The following HMGCS2 variants were observed in gnomAD, a reference collection of about 807,000 sequenced individuals.
HMGCS2 encodes hydroxymethylglutaryl-CoA synthase, mitochondrial.
A neutral mutation model predicts 57.4 loss-of-function variants in HMGCS2; 50 were observed. The observed-to-expected ratio is 0.87, with a 90% CI of 0.69 to 1.10. The LOEUF is 1.10. HMGCS2 is among the 50% of genes least tolerant of loss of function. The pLI is 0.00. For synonymous variants in HMGCS2, 254 were observed against 245.1 expected (o/e 1.04, Z -0.34); for missense variants, 627 against 636.5 (o/e 0.99, Z 0.16).
At chr1:119,763,130 A>G (rs1653101188) in intron 2 of HMGCS2, among the ~76,000 whole-genome samples, 1 of 152,170 alleles carries the variant, frequency 6.6e-6, no homozygotes, top group Non-Finnish European at 1.5e-5. Context: ...CAGGTAGGGC[A>G]GTTGGAAAAG....
At chr1:119,758,818 C>A (rs1156303258) in intron 4 of HMGCS2, among the ~76,000 whole-genome samples, 3 of 152,252 alleles carry the variant, frequency 2.0e-5, no homozygotes, top group Admixed American at 2.0e-4. Context: ...GACTGCCCAG[C>A]CTCTTAACAC....
chr1:119,766,352 T>C (rs12563433), intron 1 of HMGCS2, among the ~76,000 whole-genome samples: 42,611 of 152,098 alleles, frequency 0.28, 6,651 homozygotes, highest in East Asian at 0.43. Flanking sequence ...GCCAGGCTTA[T>C]AAATTTAGCT....
chr1:119,754,387 G>T (rs1652766530), intron 6 of HMGCS2, among the ~76,000 whole-genome samples: 2 of 151,984 alleles, frequency 1.3e-5, no homozygotes, highest in African/African-American at 4.8e-5. Context: ...ATTTTGTAGA[G>T]ATGGGGCCTC....
At chr1:119,762,731 A>AACT (rs1199689380) in intron 2 of HMGCS2, among the ~76,000 whole-genome samples, 4 of 152,222 alleles carry the variant, frequency 2.6e-5, no homozygotes, top group Non-Finnish European at 4.4e-5. Context: ...TTTAAATACA[A>AACT]ACTAAAGATT....
chr1:119,755,883 C>A (rs958241457), intron 5 of HMGCS2, among the ~76,000 whole-genome samples: 4 of 111,618 alleles, frequency 3.6e-5, no homozygotes, highest in African/African-American at 6.3e-5. Flanking sequence ...ACTTTCTTAA[C>A]TTAGTGTGTG....
chr1:119,752,780 A>G (rs1473823383), intron 7 of HMGCS2, 106 bp from the exon 8 acceptor site: 4 of 1,286,352 alleles, frequency 3.1e-6, no homozygotes, highest in African/African-American at 1.5e-5. Context: ...TACACCCTGG[A>G]GGAACGTGTG....
At chr1:119,753,211 T>C in intron 7 of HMGCS2, 69 bp downstream of exon 7, 1 of 922,900 alleles carries the variant, frequency 1.1e-6, no homozygotes, top group Non-Finnish European at 1.8e-6. Context: ...TCAGTAATGG[T>C]GGGGAAGAAG....
intron 9 of HMGCS2, among the ~76,000 whole-genome samples, chr1:119,749,947 G>A (rs3790698): frequency 0.44 from 66,884 of 151,690 alleles, 15,089 homozygotes; most frequent in East Asian, 0.57. Context: ...GCAGCTACCT[G>A]GGTTCATATA....
At chr1:119,768,692 A>G (rs2101283267) in intron 1 of HMGCS2, 49 bp downstream of exon 1, 3 of 1,379,730 alleles carry the variant, frequency 2.2e-6, no homozygotes, top group Middle Eastern at 1.8e-4. Flanking sequence ...AATAGCAGGG[A>G]AAAACTATCT....
At chr1:119,765,702 A>C (rs774399499) in intron 1 of HMGCS2, among the ~76,000 whole-genome samples, 4 of 152,366 alleles carry the variant, frequency 2.6e-5, no homozygotes, top group Middle Eastern at 3.4e-3. Context: ...CTTATAGGGC[A>C]TAATTATACA....
chr1:119,748,550 T>C lies in HMGCS2; in HGVS notation c.*297A>G, dbSNP rs1230361877. ...AGGCAACAGCTGATCTGCATGCACA[T>C]TTCTGGAGTCCAGTGATTCAGGAAG... On this transcript the variant is annotated 3_prime_UTR_variant, in exon 10 of 10. Transcript: ENST00000369406. 6.6e-6 allele frequency: 1 copy of C among 152,230 alleles called. No individual in the cohort carries two copies. Among genetic ancestry groups the C allele is most frequent in the Non-Finnish European group, 1.5e-5 (1 of 68,072 alleles). 9.4% of individuals were successfully genotyped at this position (152,230 alleles called of 1,614,324 possible). A position where few individuals can be genotyped will look rare whatever the true frequency, so the allele number is the denominator to read the frequency against.
intron 4 of HMGCS2, among the ~76,000 whole-genome samples, chr1:119,758,693 T>C (rs1243969543): frequency 1.3e-5 from 2 of 152,344 alleles, no homozygotes; most frequent in East Asian, 3.9e-4. Flanking sequence ...CTTCAGCATA[T>C]AGAAAATATA....
intron 3 of HMGCS2, 101 bp downstream of exon 3, chr1:119,759,763 C>G (rs587715974): frequency 7.0e-7 from 1 of 1,423,738 alleles, no homozygotes. Context: ...CATCCTCAAA[C>G]GCATACCTCA....
chr1:119,764,382 T>C lies in HMGCS2; in HGVS notation c.349A>G (p.Ile117Val), dbSNP rs1453735975. 6.2e-7 allele frequency: 1 copy of C among 1,614,126 alleles called. No homozygotes were observed. Among genetic ancestry groups the C allele is most frequent in the Non-Finnish European group, 8.5e-7 (1 of 1,180,026 alleles). ...CCCACAGAGTCCCATGGGAGCTGTA[T>C]GCGCTCCATCAGCCGTTGCACCACC... is the stretch of plus-strand genomic sequence containing the variant. ...LTVVQRLMER[I>V]QLPWDSVGRL... The change falls in exon 2 of 10, where the codon ATA (isoleucine) becomes GTA (valine). Residue 117 changes from isoleucine to valine, a missense_variant. Transcript: ENST00000369406.
chr1:119,752,673 G>T lies in HMGCS2; in HGVS notation c.1296C>A (p.Gly432=). The T allele has an allele frequency of 6.2e-7, 1 of 1,614,002 alleles. No individual in the cohort carries two copies. The highest frequency in any genetic ancestry group is 8.5e-7 in the Non-Finnish European group (1 of 1,179,922). The change falls in exon 8 of 10, where the codon GGC becomes GGA. Residue 432 remains glycine (G), a splice_region_variant and synonymous_variant. Coordinates refer to ENST00000369406, the MANE Select transcript of HMGCS2 (RefSeq NM_005518.4). ...TGGACACCAACTTGTCCAGGGGAGA[G>T]CCTGGGAAGCAAAAGCAAGATTGTT... The part of the protein sequence containing the change: ...SFRVSQDAAP[G]SPLDKLVSST...
intron 2 of HMGCS2, among the ~76,000 whole-genome samples, chr1:119,761,629 G>A (rs1224291356): frequency 6.6e-6 from 1 of 152,076 alleles, no homozygotes; most frequent in African/African-American, 2.4e-5. Context: ...GCCGGGTGTG[G>A]TGGTGGGGTC....
intron 1 of HMGCS2, among the ~76,000 whole-genome samples, chr1:119,764,975 AT>A (rs1320361001): frequency 9.8e-5 from 15 of 152,316 alleles, no homozygotes; most frequent in African/African-American, 3.6e-4. Context: ...TGATCGGTAT[AT>A]ATATTTTAGT....
intron 2 of HMGCS2, among the ~76,000 whole-genome samples, chr1:119,762,074 A>G (rs114932763): frequency 1.7e-3 from 259 of 152,330 alleles, no homozygotes; most frequent in African/African-American, 6.1e-3. Context: ...AAGCTATTGT[A>G]CAATGTTCAT....
At chr1:119,761,729 G>A in intron 2 of HMGCS2, among the ~76,000 whole-genome samples, 1 of 151,846 alleles carries the variant, frequency 6.6e-6, no homozygotes, top group East Asian at 1.9e-4. Flanking sequence ...CACCGCCACT[G>A]CACTCCAGCC....
Sources: allele counts gnomAD v4.1 joint callset (sites outside exome capture counted in the v4.1 genomes callset), GRCh38; gene constraint gnomAD v4.1.1; transcripts MANE v1.5; gene names NCBI Gene and HGNC (gene_info 2026-07-23, HGNC 2026-07-21).